The following ADGRV1 variants were observed in gnomAD, a reference collection of about 807,000 sequenced individuals.
ADGRV1 encodes the protein G-protein coupled receptor 98.
A neutral mutation model predicts 596.2 loss-of-function variants in ADGRV1; 359 were observed. The ratio of observed to expected loss-of-function variants is 0.60; its 90% CI spans 0.55 to 0.66. The LOEUF (loss-of-function observed/expected upper bound fraction) is 0.66, where lower values mean the gene tolerates loss of function less well. Among genes scored for constraint, ADGRV1 ranks in the 30% least tolerant of loss-of-function variants. The pLI is 0.00. For synonymous variants in ADGRV1, 2,681 were observed against 2,679.2 expected (o/e 1.00, Z -0.02); for missense variants, 7,274 against 7,575.6 (o/e 0.96, Z 1.48).
At chr5:90,819,780 ATAGT>A (rs1193275591) in intron 75 of ADGRV1, among the ~76,000 whole-genome samples, 1 of 151,938 alleles carries the variant, frequency 6.6e-6, no homozygotes, top group Non-Finnish European at 1.5e-5. Flanking sequence ...GGTCTGAGAG[ATAGT>A]TTGTTATAAT....
At position 90,678,632 on chromosome 5, in the gene ADGRV1, T is replaced by C. The variant is rs572196497; in HGVS notation, c.5444-917T>C. ...CATCTTTTAGGGCATTCTAGATACA[T>C]AATAACGTAGTGGAAGGCTCCACAT... On this transcript the variant is annotated intron_variant, in intron 25 of 89. Transcript: ENST00000405460. Among the ~76,000 whole-genome samples, 29 of 146,312 alleles carry C rather than the reference T, an allele frequency of 2.0e-4. 2 individuals carry two copies. In the South Asian group the frequency reaches 6.5e-3, roughly 33 times the overall value.
intron 85 of ADGRV1, among the ~76,000 whole-genome samples, chr5:91,025,620 C>T (rs1459319449): frequency 2.0e-5 from 3 of 152,112 alleles, no homozygotes; most frequent in South Asian, 2.1e-4. Flanking sequence ...AAGACATAGC[C>T]GGTAGAGTAC....
chr5:90,752,643 T>C (rs1473766933), intron 53 of ADGRV1, among the ~76,000 whole-genome samples: 1 of 152,222 alleles, frequency 6.6e-6, no homozygotes, highest in Non-Finnish European at 1.5e-5. Context: ...ATTTTTCTTT[T>C]ATGGCTGCAT....
At position 91,036,762 on chromosome 5, in the gene ADGRV1, A is replaced by G. The variant is rs78695482; in HGVS notation, c.18153-35685A>G. Among the ~76,000 whole-genome samples the G allele has an allele frequency of 7.2e-3, 1,099 of 152,260 alleles. 19 individuals are homozygous for G. The highest frequency in any genetic ancestry group is 0.024 in the African/African-American group (1,009 of 41,552). On this transcript the variant is annotated intron_variant, in intron 85 of 89. Transcript: ENST00000405460. Reference sequence around the variant, plus strand: ...TTATTAATTGTTTTTAAAAGGAACTATGTTAAAGTAGTGATTACCCAGGGG... The same window carrying G: ...TTATTAATTGTTTTTAAAAGGAACTGTGTTAAAGTAGTGATTACCCAGGGG...
chr5:90,840,624 C>A lies in ADGRV1; in HGVS notation c.16658C>A (p.Ala5553Asp), dbSNP rs1554133453. The A allele has an allele frequency of 6.2e-7, 1 of 1,613,056 alleles. No individual in the cohort carries two copies. Among genetic ancestry groups the A allele is most frequent in the Non-Finnish European group, 8.5e-7 (1 of 1,179,158 alleles). ...ATTGGTCGTACCATCATATCTCCAGCTATTTCTGGAAAGGATTTTGTGATA... is the reference window on the plus strand; with the variant it reads ...ATTGGTCGTACCATCATATCTCCAGATATTTCTGGAAAGGATTTTGTGATA... ...ETIGRTIISP[A>D]ISGKDFVITE... Residue 5553 changes from alanine (A) to aspartate (D), a missense_variant, in exon 78 of 90, where the codon GCT (alanine) becomes GAT (aspartate). Physicochemically the swap from Ala to Asp is moderately radical, Grantham distance 126 (BLOSUM62 -2). Coordinates refer to ENST00000405460, the MANE Select transcript of ADGRV1 (RefSeq NM_032119.4).
chr5:91,002,111 G>A (rs955721086), intron 85 of ADGRV1, among the ~76,000 whole-genome samples: 14 of 152,032 alleles, frequency 9.2e-5, no homozygotes, highest in South Asian at 2.1e-4. Flanking sequence ...TTTCTATAAT[G>A]TAAAACTTTG....
At chr5:90,944,094 A>G (rs2063245) in intron 83 of ADGRV1, among the ~76,000 whole-genome samples, 98,009 of 152,016 alleles carry the variant, frequency 0.64, 32,019 homozygotes, top group African/African-American at 0.7. Flanking sequence ...CTTTAAGTCC[A>G]TTTTATTCAT....
chr5:90,811,586 C>T (rs1762443757), intron 74 of ADGRV1, among the ~76,000 whole-genome samples: 1 of 152,106 alleles, frequency 6.6e-6, no homozygotes, highest in South Asian at 2.1e-4. Context: ...ATCTATAAAT[C>T]TATACTCTCA....
intron 85 of ADGRV1, among the ~76,000 whole-genome samples, chr5:91,001,694 A>G (rs943156124): frequency 1.3e-5 from 2 of 152,232 alleles, no homozygotes; most frequent in Non-Finnish European, 2.9e-5. Context: ...AGTAAAATCT[A>G]TCCAACTTTT....
rs6866943 is a variant in ADGRV1 at position 90,729,345 on chromosome 5, G to A, written c.10427-297G>A. Among the ~76,000 whole-genome samples, 5,194 of 152,122 alleles carry A rather than the reference G, an allele frequency of 0.034. 305 individuals are homozygous for A. The highest frequency in any genetic ancestry group is 0.12 in the African/African-American group (4,877 of 41,482). On this transcript the variant is annotated intron_variant, in intron 49 of 89. Coordinates refer to ENST00000405460, the MANE Select transcript of ADGRV1 (RefSeq NM_032119.4). ...TTCTTGGAAGGAAAATTTGCTTTCT[G>A]CTGCTGAGTAGAACTTTCATGGGTA... is the stretch of plus-strand genomic sequence containing the variant.
rs766952571 is a variant in ADGRV1, at chr5:90,873,771, G to T, written c.17856+9914G>T. On this transcript the variant is annotated intron_variant, in intron 83 of 89. Transcript: ENST00000405460. ...GATCACGCCACTGCACTCCAGCCTG[G>T]GCAATAAAGACCTTGTCTCTTAAAA... Among the ~76,000 whole-genome samples, 48 of 149,496 alleles carry T rather than the reference G, an allele frequency of 3.2e-4. 1 individual carries two copies. The highest frequency in any genetic ancestry group is 5.3e-4 in the Non-Finnish European group (36 of 67,660).
chr5:91,008,529 A>T (rs1009203242), intron 85 of ADGRV1, among the ~76,000 whole-genome samples: 6 of 152,074 alleles, frequency 3.9e-5, no homozygotes, highest in Non-Finnish European at 7.4e-5. Context: ...TTTGAGACAG[A>T]GTCTCGCTCT....
intron 11 of ADGRV1, among the ~76,000 whole-genome samples, chr5:90,638,153 T>C (rs1039167550): frequency 6.6e-6 from 1 of 152,058 alleles, no homozygotes; most frequent in Non-Finnish European, 1.5e-5. Context: ...CAGTGAATTT[T>C]TACCCTGCTT....
chr5:90,596,670 A>G lies in ADGRV1; in HGVS notation c.23-18165A>G, dbSNP rs570739714. On this transcript the variant is annotated intron_variant, in intron 1 of 89. Transcript: ENST00000405460. ...TCAGGCGTGGCGGCGCGCGCCTGCA[A>G]TTGCAGGCACTCCGCAGGCTGAGGC... is the stretch of plus-strand genomic sequence containing the variant. Among the ~76,000 whole-genome samples, 8 of 152,254 alleles carry G rather than the reference A, an allele frequency of 5.3e-5. No individual in the cohort carries two copies. In the South Asian group the frequency reaches 1.4e-3, roughly 28 times the overall value.
chr5:90,750,757 G>T, intron 53 of ADGRV1, 60 bp downstream of exon 53: 1 of 1,354,032 alleles, frequency 7.4e-7, no homozygotes, highest in Middle Eastern at 1.8e-4. Flanking sequence ...GTGATGTATG[G>T]GACCAAATCC....
chr5:91,015,469 T>C (rs1319328528), intron 85 of ADGRV1, among the ~76,000 whole-genome samples: 1 of 152,098 alleles, frequency 6.6e-6, no homozygotes, highest in Non-Finnish European at 1.5e-5. Flanking sequence ...TATCTAATAC[T>C]GTCAGTGGAA....
At position 90,840,737 on chromosome 5, in the gene ADGRV1, T is replaced by A. The variant is rs1270087174; in HGVS notation, c.16771T>A (p.Phe5591Ile). Reference protein sequence around the residue: ...LTPETGSLNSFPKRFQIVLFD... With the variant: ...LTPETGSLNSIPKRFQIVLFD... ...GCCAGAGACAGGATCTTTAAATTCA[T>A]TTCCTAAACGCTTCCAGATTGTCCT... Residue 5591 changes from phenylalanine (F) to isoleucine (I), a missense_variant, in exon 78 of 90, where the codon TTT (phenylalanine) becomes ATT (isoleucine). Transcript: ENST00000405460. 18 of 1,614,054 alleles carry A rather than the reference T, an allele frequency of 1.1e-5. No individual in the cohort carries two copies. Among genetic ancestry groups the A allele is most frequent in the Non-Finnish European group, 1.4e-5 (17 of 1,179,894 alleles).
chr5:91,136,982 G>C (rs1052906388), intron 87 of ADGRV1, among the ~76,000 whole-genome samples: 5 of 152,010 alleles, frequency 3.3e-5, no homozygotes, highest in Non-Finnish European at 7.4e-5. Flanking sequence ...TATAGTCTAA[G>C]AAAAAGAAAT....
chr5:90,783,669 T>C (rs1039129549), intron 66 of ADGRV1, among the ~76,000 whole-genome samples, 169 bp from the exon 67 acceptor site: 8 of 152,242 alleles, frequency 5.3e-5, no homozygotes, highest in Non-Finnish European at 7.3e-5. Context: ...TCATGTAATA[T>C]TGATGTTAAT....
Sources: gnomAD v4.1 joint callset for allele counts (sites outside exome capture counted in the v4.1 genomes callset) on GRCh38, gnomAD v4.1.1 for gene constraint, MANE v1.5 for transcripts, NCBI Gene and HGNC (gene_info 2026-07-23, HGNC 2026-07-21) for gene names.